KDM5B: variants seen among roughly 807,000 people sequenced by gnomAD.
The protein encoded by KDM5B is lysine-specific demethylase 5B.
Under a neutral mutation model 193.4 loss-of-function variants are expected in KDM5B, and 144 were observed. That is an observed-to-expected ratio of 0.74 (90% CI 0.65 to 0.86). KDM5B has a LOEUF of 0.86. KDM5B is among the 40% of genes least tolerant of loss of function. The probability of loss-of-function intolerance (pLI) is 0.00; values close to 1 mark genes in which losing one functional copy is unlikely to be tolerated. For missense variants in KDM5B, 1,833 were observed against 1,886.9 expected, an observed-to-expected ratio of 0.97 and a Z score of 0.53; for synonymous variants, 668 against 682.6, an observed-to-expected ratio of 0.98 and a Z score of 0.33.
chr1:202,769,246 C>T (rs1277434543), intron 4 of KDM5B, among the ~76,000 whole-genome samples: 4 of 148,266 alleles, frequency 2.7e-5, no homozygotes, highest in African/African-American at 9.9e-5. Flanking sequence ...CCGTGTTATC[C>T]AGGATGGTCT....
rs1654898515 is a variant in KDM5B, at chr1:202,731,916, T to C, written c.3933A>G (p.Thr1311=). 2 of 1,613,060 alleles carry C rather than the reference T, an allele frequency of 1.2e-6. No individual in the cohort carries two copies. The highest frequency in any genetic ancestry group is 2.7e-5 in the African/African-American group (2 of 74,768). The part of the protein sequence containing the change: ...TNKVSQPPGT[T]SFSLPDDWDN... ...CCCAGTCATCAGGCAAAGAAAATGA[T>C]GTTGTGCCAGGAGGTTGAGATACCT... Residue 1311 remains threonine (T), a synonymous_variant, in exon 24 of 27, where the codon ACA becomes ACG. Transcript: ENST00000367265.
At chr1:202,778,251 G>T (rs1657044910) in intron 1 of KDM5B, among the ~76,000 whole-genome samples, 1 of 151,962 alleles carries the variant, frequency 6.6e-6, no homozygotes, top group African/African-American at 2.4e-5. Flanking sequence ...TCCTATCATG[G>T]AAGAACTGCC....
At chr1:202,782,362 T>C (rs1478964157) in intron 1 of KDM5B, among the ~76,000 whole-genome samples, 1 of 152,200 alleles carries the variant, frequency 6.6e-6, no homozygotes, top group Non-Finnish European at 1.5e-5. Flanking sequence ...ACACGAATTT[T>C]TTTTTCTTTT....
intron 8 of KDM5B, 58 bp downstream of exon 8, chr1:202,760,357 G>T: frequency 1.7e-6 from 2 of 1,145,106 alleles, no homozygotes; most frequent in Non-Finnish European, 2.5e-6. Flanking sequence ...AAACTCAAAG[G>T]CAAAGAAAAA....
At chr1:202,753,678 T>C (rs1440076608) in intron 11 of KDM5B, among the ~76,000 whole-genome samples, 2 of 148,978 alleles carry the variant, frequency 1.3e-5, no homozygotes, top group African/African-American at 4.9e-5. Context: ...TTTTTTTGTT[T>C]TTTTTTTTTG....
chr1:202,742,079 T>C (rs1390839341), intron 18 of KDM5B, among the ~76,000 whole-genome samples: 2 of 152,094 alleles, frequency 1.3e-5, no homozygotes, highest in Non-Finnish European at 2.9e-5. Flanking sequence ...TTTCACCATA[T>C]TGGTCAGGCT....
At chr1:202,736,126 G>A in intron 21 of KDM5B, 87 bp downstream of exon 21, 3 of 960,620 alleles carry the variant, frequency 3.1e-6, no homozygotes, top group Non-Finnish European at 4.5e-6. Flanking sequence ...AGATTAATCT[G>A]TGATGTCATC....
chr1:202,741,562 G>A lies in KDM5B; in HGVS notation c.2750C>T (p.Ala917Val), dbSNP rs749664616. Reference sequence around the variant, plus strand: ...TTGCTGCACCTCTTCTAGCCAACGGGCTTGTTCCAAACGGATACGCATCTC... The same window carrying A: ...TTGCTGCACCTCTTCTAGCCAACGGACTTGTTCCAAACGGATACGCATCTC... ...LAEMRIRLEQ[A>V]RWLEEVQQAC... is the part of the protein sequence containing the mutation. The change falls in exon 19 of 27, where the codon GCC (alanine) becomes GTC (valine). Residue 917 changes from alanine to valine, a missense_variant. Physicochemically the swap from Ala to Val is moderately conservative, Grantham distance 64. Around this residue, in one of 3 missense-constraint regions of KDM5B, gnomAD observed 1,379 missense variants for 1,349.6 expected, o/e 1.02. Transcript: ENST00000367265. 6 of 1,614,230 alleles carry A rather than the reference G, an allele frequency of 3.7e-6. No individual in the cohort carries two copies. The highest frequency in any genetic ancestry group is 3.3e-5 in the Admixed American group (2 of 60,032).
At chr1:202,785,393 G>A (rs973610623) in intron 1 of KDM5B, among the ~76,000 whole-genome samples, 3 of 152,048 alleles carry the variant, frequency 2.0e-5, no homozygotes, top group Non-Finnish European at 4.4e-5. Flanking sequence ...AAAACACAGT[G>A]AGGCCATTTA....
chr1:202,740,110 C>G (rs539556051), intron 20 of KDM5B, among the ~76,000 whole-genome samples: 10 of 150,622 alleles, frequency 6.6e-5, no homozygotes, highest in African/African-American at 2.4e-4. Context: ...GGGGCTGACC[C>G]CCCCCACCTC....
intron 1 of KDM5B, among the ~76,000 whole-genome samples, chr1:202,780,410 G>A (rs970214982): frequency 1.6e-4 from 25 of 151,970 alleles, no homozygotes; most frequent in South Asian, 4.2e-4. Flanking sequence ...GGCTGGTCTC[G>A]AACACCTGAC....
At chr1:202,784,112 A>C (rs1004720920) in intron 1 of KDM5B, among the ~76,000 whole-genome samples, 14 of 152,218 alleles carry the variant, frequency 9.2e-5, no homozygotes, top group African/African-American at 3.1e-4. Context: ...AAGATGCTGA[A>C]GATTTTTCCA....
At chr1:202,785,217 C>CT (rs1657358774) in intron 1 of KDM5B, among the ~76,000 whole-genome samples, 1 of 152,182 alleles carries the variant, frequency 6.6e-6, no homozygotes, top group Non-Finnish European at 1.5e-5. Context: ...CCTTACTTAC[C>CT]TTTAAGGACC....
intron 3 of KDM5B, among the ~76,000 whole-genome samples, chr1:202,773,710 G>A (rs1164244123): frequency 6.6e-6 from 1 of 151,020 alleles, no homozygotes; most frequent in Non-Finnish European, 1.5e-5. Flanking sequence ...AATCAAATGG[G>A]CCTGGTATTG....
At chr1:202,732,899 G>A (rs1272315208) in intron 23 of KDM5B, among the ~76,000 whole-genome samples, 1 of 152,170 alleles carries the variant, frequency 6.6e-6, no homozygotes, top group African/African-American at 2.4e-5. Flanking sequence ...CAGAAAGATC[G>A]CAAATGGTGT....
chr1:202,788,709 A>G (rs1450616344), intron 1 of KDM5B, among the ~76,000 whole-genome samples: 1 of 152,118 alleles, frequency 6.6e-6, no homozygotes, highest in African/African-American at 2.4e-5. Context: ...CCCCTACATC[A>G]ATTATAATTG....
chr1:202,796,819 GA>G (rs1358814448), intron 1 of KDM5B: 4 of 154,502 alleles, frequency 2.6e-5, no homozygotes, highest in African/African-American at 9.6e-5. Context: ...GCATCACCAT[GA>G]TGCTGGCTAC....
At chr1:202,730,813 C>G in intron 25 of KDM5B, 96 bp downstream of exon 25, 1 of 1,264,850 alleles carries the variant, frequency 7.9e-7, no homozygotes, top group Admixed American at 2.4e-5. Flanking sequence ...ATCGCCCAGT[C>G]CTCACACCAG....
At chr1:202,737,675 C>T (rs532641371) in intron 20 of KDM5B, among the ~76,000 whole-genome samples, 59 of 152,266 alleles carry the variant, frequency 3.9e-4, no homozygotes, top group Non-Finnish European at 6.5e-4. Flanking sequence ...ATACAGAGAA[C>T]AGAACACTCC....
Sources: gnomAD v4.1 joint callset for allele counts (sites outside exome capture counted in the v4.1 genomes callset) on GRCh38, gnomAD v4.1.1 for gene constraint, gnomAD v4.1.1 regional missense constraint, MANE v1.5 for transcripts, NCBI Gene and HGNC (gene_info 2026-07-23, HGNC 2026-07-21) for gene names.